SEMA3E: variants seen among roughly 807,000 people sequenced by gnomAD.
SEMA3E encodes the protein semaphorin-3E.
In SEMA3E, 49 loss-of-function variants were observed where a neutral mutation model predicts 93.6. The observed-to-expected ratio is 0.52, with a 90% confidence interval of 0.42 to 0.66. The LOEUF (loss-of-function observed/expected upper bound fraction) is 0.66, where lower values mean the gene tolerates loss of function less well. Among genes scored for constraint, SEMA3E ranks in the 30% least tolerant of loss-of-function variants. The pLI, the probability that SEMA3E is intolerant of heterozygous loss-of-function variation, is 0.00. For synonymous variants in SEMA3E, 363 were observed against 330.7 expected, an observed-to-expected ratio of 1.10 and a Z score of -1.06; for missense variants, 906 against 964.8, an observed-to-expected ratio of 0.94 and a Z score of 0.81.
chr7:83,371,796 T>C (rs190810509), intron 16 of SEMA3E: 1 of 152,396 alleles, frequency 6.6e-6, no homozygotes, highest in East Asian at 1.9e-4. Context: ...AACTCCTTTC[T>C]ACTGTCTACC....
rs72053273 is a variant in SEMA3E, at chr7:83,543,358, C to CTTT, written c.116-53087_116-53085dup. On this transcript the variant is annotated intron_variant, in intron 1 of 16. Transcript: ENST00000643230. ...CAGCAATAAAATAAAACTGAATGAA[C>CTTT]TTTTTTTTTATTAAACAAGACAAAA... Among the ~76,000 whole-genome samples, 77 of 150,992 alleles carry CTTT rather than the reference C, an allele frequency of 5.1e-4. 1 individual carries two copies. The highest frequency in any genetic ancestry group is 2.3e-3 in the South Asian group (11 of 4,798).
intron 16 of SEMA3E, among the ~76,000 whole-genome samples, chr7:83,374,222 A>C (rs1478173550): frequency 6.6e-6 from 1 of 151,476 alleles, no homozygotes; most frequent in Non-Finnish European, 1.5e-5. Context: ...AAAAAAAAAA[A>C]AAAAAAGACA....
At position 83,489,660 on chromosome 7, in the gene SEMA3E, C is replaced by T. The variant is rs574592082; in HGVS notation, c.276+454G>A. On this transcript the variant is annotated intron_variant, in intron 2 of 16. Transcript: ENST00000643230. ...CTTGTTTTAAATGTATAAGTTACTC[C>T]ACCCACCAAGTTAAAGGAGCATCCA... 2.0e-5 allele frequency among the ~76,000 whole-genome samples: 3 copies of T among 152,140 alleles called. No homozygotes were observed. The East Asian group carries it at 5.8e-4, about 29-fold the overall frequency.
At chr7:83,490,379 T>A in intron 1 of SEMA3E, 105 bp from the exon 2 acceptor site, 1 of 1,118,100 alleles carries the variant, frequency 8.9e-7, no homozygotes, top group Non-Finnish European at 1.3e-6. Context: ...ACTGAGTCAT[T>A]AACATTCATT....
rs1794700960 is a variant in SEMA3E at position 83,368,174 on chromosome 7, A to C, written c.1876-136T>G. ...GAAACCCTGAAAATCATACATACAC[A>C]AAAATGCTAAATAATTACATCTCTC... On this transcript the variant is annotated intron_variant, in intron 16 of 16. Transcript: ENST00000643230. 13 of 725,830 alleles carry C rather than the reference A, an allele frequency of 1.8e-5. No homozygotes were observed. In the Admixed American group the frequency reaches 2.2e-4, roughly 12 times the overall value. The allele number at this position is 725,830 out of a possible 1,614,324, so 45.0% of individuals were successfully genotyped here.
intron 4 of SEMA3E, among the ~76,000 whole-genome samples, chr7:83,423,624 C>G (rs544971016): frequency 2.3e-4 from 35 of 151,862 alleles, no homozygotes; most frequent in Non-Finnish European, 4.0e-4. Context: ...CTGCCTCAGC[C>G]TCCCGAGTAG....
At chr7:83,429,033 G>T (rs1788830077) in intron 4 of SEMA3E, among the ~76,000 whole-genome samples, 1 of 151,920 alleles carries the variant, frequency 6.6e-6, no homozygotes, top group Non-Finnish European at 1.5e-5. Flanking sequence ...TGTTAGGTGT[G>T]GTTGAATGTC....
At chr7:83,376,532 A>G (rs748142976) in intron 16 of SEMA3E, among the ~76,000 whole-genome samples, 16 of 152,022 alleles carry the variant, frequency 1.1e-4, no homozygotes, top group Non-Finnish European at 1.9e-4. Context: ...GTTATGTGGA[A>G]TGAGCTGCTC....
intron 16 of SEMA3E, among the ~76,000 whole-genome samples, chr7:83,379,174 T>C (rs1787722013): frequency 2.0e-5 from 3 of 151,626 alleles, no homozygotes; most frequent in Admixed American, 1.3e-4. Flanking sequence ...CTCTCACTTA[T>C]AAATGGAAGC....
At chr7:83,645,790 C>T (rs1193974181) in intron 1 of SEMA3E, among the ~76,000 whole-genome samples, 2 of 151,264 alleles carry the variant, frequency 1.3e-5, no homozygotes, top group South Asian at 2.1e-4. Context: ...CCTTCCTTTC[C>T]AGCTCTAGTT....
chr7:83,418,519 C>T (rs1012898648), intron 4 of SEMA3E, 36 bp from the exon 5 acceptor site: 8 of 1,344,160 alleles, frequency 6.0e-6, no homozygotes, highest in Admixed American at 5.3e-5. Context: ...TATGAATATG[C>T]CTCCTCTAAT....
chr7:83,490,637 G>A (rs1790364517), intron 1 of SEMA3E, among the ~76,000 whole-genome samples: 1 of 151,882 alleles, frequency 6.6e-6, no homozygotes, highest in African/African-American at 2.4e-5. Context: ...TTAAATTCCA[G>A]ATAAATGCCA....
chr7:83,482,853 A>T (rs1186367599), intron 2 of SEMA3E, among the ~76,000 whole-genome samples: 1 of 152,162 alleles, frequency 6.6e-6, no homozygotes, highest in Non-Finnish European at 1.5e-5. Flanking sequence ...AATAGATTTT[A>T]AAAAATTGGA....
intron 1 of SEMA3E, among the ~76,000 whole-genome samples, chr7:83,608,725 T>C (rs1584361802): frequency 6.6e-6 from 1 of 152,248 alleles, no homozygotes; most frequent in East Asian, 1.9e-4. Context: ...GATCCATGAA[T>C]TGTTTGAATT....
rs562462864 is a variant in SEMA3E at position 83,564,341 on chromosome 7, C to T, written c.116-74067G>A. ...GGCTGAGACAGGAGAATCACTTGAACTTGGGAGGTTGAAGGTTGCAGTGAA... is the reference window on the plus strand; with the variant it reads ...GGCTGAGACAGGAGAATCACTTGAATTTGGGAGGTTGAAGGTTGCAGTGAA... On this transcript the variant is annotated intron_variant, in intron 1 of 16. Coordinates refer to ENST00000643230, the MANE Select transcript of SEMA3E (RefSeq NM_012431.3). Among the ~76,000 whole-genome samples, 30 of 152,088 alleles carry T rather than the reference C, an allele frequency of 2.0e-4. No homozygotes were observed. In the South Asian group the frequency reaches 6.0e-3, roughly 31 times the overall value.
At chr7:83,385,491 T>A in intron 15 of SEMA3E, 58 bp from the exon 16 acceptor site, 1 of 1,548,746 alleles carries the variant, frequency 6.5e-7, no homozygotes, top group Non-Finnish European at 8.9e-7. Context: ...TAAATAAATT[T>A]TTCAAACATT....
At chr7:83,504,453 C>A (rs986494525) in intron 1 of SEMA3E, among the ~76,000 whole-genome samples, 1 of 152,138 alleles carries the variant, frequency 6.6e-6, no homozygotes, top group Non-Finnish European at 1.5e-5. Flanking sequence ...TGTTAAATTA[C>A]GTGCCTCAAT....
At chr7:83,642,858 C>T (rs139102032) in intron 1 of SEMA3E, among the ~76,000 whole-genome samples, 1 of 152,078 alleles carries the variant, frequency 6.6e-6, no homozygotes, top group African/African-American at 2.4e-5. Context: ...CTCTCAGAGA[C>T]TGAAATTATA....
At chr7:83,632,243 C>A (rs1224438474) in intron 1 of SEMA3E, among the ~76,000 whole-genome samples, 1 of 151,820 alleles carries the variant, frequency 6.6e-6, no homozygotes, top group Non-Finnish European at 1.5e-5. Context: ...TTCTGGTGCT[C>A]CATTTTAAGA....
Sources: gnomAD v4.1 joint callset for allele counts (sites outside exome capture counted in the v4.1 genomes callset) on GRCh38, gnomAD v4.1.1 for gene constraint, MANE v1.5 for transcripts, NCBI Gene and HGNC (gene_info 2026-07-23, HGNC 2026-07-21) for gene names.